Variants in ATE1 observed in about 807,000 individuals in gnomAD.
ATE1 encodes the protein arginyltransferase 1.
A neutral mutation model predicts 70.5 loss-of-function variants in ATE1; 36 were observed. The ratio of observed to expected loss-of-function variants is 0.51; its 90% CI spans 0.39 to 0.67. The LOEUF is 0.67. Among genes scored for constraint, ATE1 ranks in the 30% least tolerant of loss-of-function variants. The pLI is 0.00. For synonymous variants in ATE1, 232 were observed against 219.3 expected, an observed-to-expected ratio of 1.06 and a Z score of -0.51; for missense variants, 593 against 629.5, an observed-to-expected ratio of 0.94 and a Z score of 0.62.
At chr10:121,917,802 T>C (rs1951720658) in intron 3 of ATE1, among the ~76,000 whole-genome samples, 2 of 152,144 alleles carry the variant, frequency 1.3e-5, no homozygotes, top group African/African-American at 2.4e-5. Flanking sequence ...AAACAAACTT[T>C]ATTGCAACTT....
At chr10:121,926,537 A>T (rs1952097562) in intron 1 of ATE1, among the ~76,000 whole-genome samples, 1 of 152,226 alleles carries the variant, frequency 6.6e-6, no homozygotes, top group South Asian at 2.1e-4. Context: ...TCTTCGACAA[A>T]ACGTGAAATA....
chr10:121,807,248 C>T (rs1161475645), intron 10 of ATE1, among the ~76,000 whole-genome samples: 1 of 152,144 alleles, frequency 6.6e-6, no homozygotes, highest in Non-Finnish European at 1.5e-5. Flanking sequence ...AAAAACTACA[C>T]TATATAATCC....
At chr10:121,802,166 C>A (rs1265326587) in intron 10 of ATE1, among the ~76,000 whole-genome samples, 2 of 152,102 alleles carry the variant, frequency 1.3e-5, no homozygotes, top group East Asian at 1.9e-4. Context: ...GCTCTCCAGT[C>A]GAGAGATAAC....
chr10:121,821,442 G>C (rs912512721), intron 10 of ATE1, among the ~76,000 whole-genome samples: 2 of 152,176 alleles, frequency 1.3e-5, no homozygotes, highest in Non-Finnish European at 2.9e-5. Flanking sequence ...TCCAACAAAG[G>C]ATTCTTATCT....
chr10:121,819,679 CAAAA>C (rs57035123), intron 10 of ATE1, among the ~76,000 whole-genome samples: 2 of 52,722 alleles, frequency 3.8e-5, no homozygotes, highest in South Asian at 1.1e-3. Context: ...AAGACTGTCT[CAAAA>C]AAAAAAAAAA....
chr10:121,752,269 C>T (rs1226645041), intron 11 of ATE1, among the ~76,000 whole-genome samples: 2 of 143,000 alleles, frequency 1.4e-5, no homozygotes, highest in African/African-American at 2.6e-5. Flanking sequence ...CTCCCTCTGT[C>T]GCCCAGGCTG....
chr10:121,893,808 T>C (rs1470709056), intron 7 of ATE1, among the ~76,000 whole-genome samples: 2 of 148,374 alleles, frequency 1.3e-5, no homozygotes, highest in Non-Finnish European at 3.0e-5. Flanking sequence ...TTTAATACAC[T>C]AGAAAATATT....
At position 121,897,824 on chromosome 10, in the gene ATE1, CAA is replaced by C. The variant is rs59751617; in HGVS notation, c.942+2040_942+2041del. On this transcript the variant is annotated intron_variant, in intron 7 of 11. Coordinates refer to ENST00000224652, the MANE Select transcript of ATE1 (RefSeq NM_001001976.3). ...CTGGCAACAGAGCAAGACTCCGTCT[CAA>C]AAAAAAAAAAAAAAAAGTAGATGTT... is the stretch of plus-strand genomic sequence containing the variant. 3.4e-3 allele frequency among the ~76,000 whole-genome samples: 343 copies of C among 101,748 alleles called. 1 individual carries two copies. Among genetic ancestry groups the C allele is most frequent in the Middle Eastern group, 4.9e-3 (1 of 206 alleles). 66.8% of individuals were successfully genotyped at this position (101,748 alleles called of 152,430 possible).
intron 11 of ATE1, among the ~76,000 whole-genome samples, chr10:121,767,115 G>A (rs879059130): frequency 6.6e-6 from 1 of 152,138 alleles, no homozygotes; most frequent in Admixed American, 6.6e-5. Flanking sequence ...TTCAAGGCTG[G>A]TTCAGTATTA....
At chr10:121,890,179 G>A (rs1311804236) in intron 7 of ATE1, among the ~76,000 whole-genome samples, 4 of 152,078 alleles carry the variant, frequency 2.6e-5, no homozygotes, top group African/African-American at 9.7e-5. Context: ...TTAAGAAGCT[G>A]CCCTAGAATA....
intron 3 of ATE1, among the ~76,000 whole-genome samples, chr10:121,921,860 A>G (rs567445986): frequency 6.6e-6 from 1 of 152,290 alleles, no homozygotes; most frequent in South Asian, 2.1e-4. Context: ...AGTGCACTCA[A>G]TAAAGTTTCT....
At chr10:121,887,370 C>T (rs1468792864) in intron 7 of ATE1, among the ~76,000 whole-genome samples, 4 of 152,138 alleles carry the variant, frequency 2.6e-5, no homozygotes, top group East Asian at 1.9e-4. Flanking sequence ...AAGTAGATAT[C>T]GCCTCCTATT....
chr10:121,869,567 C>A (rs2134015685), intron 8 of ATE1, among the ~76,000 whole-genome samples: 1 of 152,340 alleles, frequency 6.6e-6, no homozygotes, highest in African/African-American at 2.4e-5. Flanking sequence ...CTCTTGTCAA[C>A]TCATGGATTT....
intron 10 of ATE1, among the ~76,000 whole-genome samples, chr10:121,808,034 G>A (rs987120755): frequency 1.3e-5 from 2 of 151,936 alleles, no homozygotes; most frequent in Non-Finnish European, 2.9e-5. Flanking sequence ...GAGAAATGCC[G>A]ATTTCCAGGA....
intron 7 of ATE1, among the ~76,000 whole-genome samples, chr10:121,878,540 C>T (rs1289262877): frequency 6.6e-6 from 1 of 151,558 alleles, no homozygotes; most frequent in South Asian, 2.1e-4. Flanking sequence ...TTGCAGTGAA[C>T]CGAGATCACA....
rs150597332 is a variant in ATE1 at position 121,848,089 on chromosome 10, C to T, written c.976-6826G>A. 7.4e-3 allele frequency among the ~76,000 whole-genome samples: 1,132 copies of T among 152,016 alleles called. 13 individuals carry two copies. Among genetic ancestry groups the T allele is most frequent in the Admixed American group, 0.02 (312 of 15,256 alleles). On this transcript the variant is annotated intron_variant, in intron 8 of 11. Transcript: ENST00000224652. ...CCATCTAAAAAATAATAATAATAATCGTGAATGAAAGCAGCCACTGCGGTG... is the reference window on the plus strand; with the variant it reads ...CCATCTAAAAAATAATAATAATAATTGTGAATGAAAGCAGCCACTGCGGTG...
chr10:121,793,050 A>T (rs910901991), intron 10 of ATE1, among the ~76,000 whole-genome samples: 1 of 152,222 alleles, frequency 6.6e-6, no homozygotes, highest in African/African-American at 2.4e-5. Context: ...TCCGGAATAT[A>T]TAAAGAATTA....
rs561328242 is a variant in ATE1 at position 121,740,736 on chromosome 10, A to G, written c.*2944T>C. On this transcript the variant is annotated 3_prime_UTR_variant, in exon 12 of 12. Coordinates refer to ENST00000224652, the MANE Select transcript of ATE1 (RefSeq NM_001001976.3). ...GCATATACTGTTCAGAAATCTGGAA[A>G]GGTTCTTTTACATAATAGATTCTGA... 4.6e-5 allele frequency: 7 copies of G among 152,366 alleles called. No homozygotes were observed. The South Asian group carries it at 1.5e-3, about 32-fold the overall frequency. 9.4% of individuals were successfully genotyped at this position (152,366 alleles called of 1,614,324 possible).
intron 10 of ATE1, among the ~76,000 whole-genome samples, chr10:121,803,207 T>C (rs542527109): frequency 6.6e-6 from 1 of 152,314 alleles, no homozygotes; most frequent in East Asian, 1.9e-4. Flanking sequence ...CCTATGCATA[T>C]GAAGAATTCC....
Sources: allele counts gnomAD v4.1 joint callset (sites outside exome capture counted in the v4.1 genomes callset), GRCh38; gene constraint gnomAD v4.1.1; transcripts MANE v1.5; gene names NCBI Gene and HGNC (gene_info 2026-07-23, HGNC 2026-07-21).